MAPK12: variants seen among roughly 807,000 people sequenced by gnomAD.
MAPK12 encodes the protein MAP kinase 12.
In MAPK12, 49 loss-of-function variants were observed where a neutral mutation model predicts 49.1. That is an observed-to-expected ratio of 1.00 (90% CI 0.79 to 1.27). The LOEUF (loss-of-function observed/expected upper bound fraction) is 1.27, where lower values mean the gene tolerates loss of function less well. Among genes scored for constraint, MAPK12 ranks in the 50% most tolerant of loss-of-function variants. The pLI, the probability that MAPK12 is intolerant of heterozygous loss-of-function variation, is 0.00. For missense variants in MAPK12, 554 were observed against 502.4 expected, an observed-to-expected ratio of 1.10 and a Z score of -0.98; for synonymous variants, 251 against 209.7, an observed-to-expected ratio of 1.20 and a Z score of -1.70.
In MAPK12 at chr22:50,255,190, C is replaced by G. The variant is rs202210542; in HGVS notation, c.1024+7G>C. On this transcript the variant is annotated splice_region_variant and intron_variant, in intron 11 of 11. Coordinates refer to ENST00000215659, the MANE Select transcript of MAPK12 (RefSeq NM_002969.6). ...CACACAGGCCGTGCCAGGAGCCCCC[C>G]ACTCACGCTTCCATTCATCCAGTGT... 27 of 1,613,608 alleles carry G rather than the reference C, an allele frequency of 1.7e-5. No individual in the cohort carries two copies. The highest frequency in any genetic ancestry group is 3.3e-4 in the Middle Eastern group (2 of 6,062).
rs2065143901 is a variant in MAPK12 at position 50,255,794 on chromosome 22, T to C, written c.691+16A>G. 1.9e-6 allele frequency: 3 copies of C among 1,612,228 alleles called. No homozygotes were observed. The highest frequency in any genetic ancestry group is 1.7e-5 in the Admixed American group (1 of 60,000). ...TCCCCACCCGCCCCTGGTGCCGCCC[T>C]GCGGCTGGAGGATACGGTCGCTGCC... On this transcript the variant is annotated intron_variant, in intron 8 of 11. Coordinates refer to ENST00000215659, the MANE Select transcript of MAPK12 (RefSeq NM_002969.6).
intron 2 of MAPK12, 52 bp from the exon 3 acceptor site, chr22:50,258,353 A>AC (rs148912838): frequency 1.3e-6 from 2 of 1,511,338 alleles, no homozygotes; most frequent in African/African-American, 2.7e-5. Context: ...GGGCTGGGGC[A>AC]CCCCCCAAGA....
At chr22:50,255,169 C>A (rs2065135903) in intron 11 of MAPK12, 28 bp downstream of exon 11, 2 of 1,612,688 alleles carry the variant, frequency 1.2e-6, no homozygotes, top group Admixed American at 1.7e-5. Context: ...TGGGTCCACA[C>A]AGGCCGTGCC....
In MAPK12 at chr22:50,255,218, G is replaced by A. The variant is rs1054886574; in HGVS notation, c.1003C>T (p.Arg335Cys). ...KYDDSFDDVD[R>C]TLDEWKRVTY... ...TCACGCTTCCATTCATCCAGTGTGC[G>A]GTCAACGTCGTCAAAGGAGTCATCA... Residue 335 changes from arginine (R) to cysteine (C), a missense_variant, in exon 11 of 12, where the codon CGC becomes TGC. By Grantham distance (180) the Arg-to-Cys change is radical (BLOSUM62 -3). Coordinates refer to ENST00000215659, the MANE Select transcript of MAPK12 (RefSeq NM_002969.6). 31 of 1,613,794 alleles carry A rather than the reference G, an allele frequency of 1.9e-5. No homozygotes were observed. Among genetic ancestry groups the A allele is most frequent in the South Asian group, 4.4e-5 (4 of 91,084 alleles).
intron 2 of MAPK12, chr22:50,260,873 G>A (rs1240314893): frequency 1.1e-5 from 3 of 275,700 alleles, no homozygotes; most frequent in African/African-American, 2.2e-5. Context: ...GAGACCTGGA[G>A]GATCCCCTGG....
chr22:50,259,342 G>C (rs1221515098), intron 2 of MAPK12, among the ~76,000 whole-genome samples: 2 of 152,096 alleles, frequency 1.3e-5, no homozygotes, highest in Non-Finnish European at 2.9e-5. Context: ...CTGTGGGCTA[G>C]GGGCCACAGG....
intron 2 of MAPK12, 159 bp downstream of exon 2, chr22:50,261,008 C>G: frequency 1.2e-6 from 1 of 806,138 alleles, no homozygotes; most frequent in Non-Finnish European, 1.8e-6. Context: ...CAAGGAGAGA[C>G]AGGCCTTGCT....
At position 50,261,282 on chromosome 22, in the gene MAPK12, C is replaced by A; in HGVS notation, c.140G>T (p.Gly47Val). 1 of 1,498,756 alleles carries A rather than the reference C, an allele frequency of 6.7e-7. No homozygotes were observed. Among genetic ancestry groups the A allele is most frequent in the Non-Finnish European group, 8.9e-7 (1 of 1,121,018 alleles). The allele number at this position is 1,498,756 out of a possible 1,614,324, so 92.8% of individuals were successfully genotyped here. ...GATGGCCACCTTAGCGCCGGTGCGG[C>A]CGTCCACGGCCGAGCTGCGGGGCGG... ...AYGAVCSAVD[G>V]RTGAKVAIKK... is the part of the protein sequence containing the mutation. Residue 47 changes from glycine to valine, a missense_variant, in exon 2 of 12, where the codon GGC (glycine) becomes GTC (valine). By Grantham distance (109) the Gly-to-Val change is moderately radical. Transcript: ENST00000215659.
At chr22:50,254,973 C>T (rs2065132788) in intron 11 of MAPK12, 1 of 1,429,420 alleles carries the variant, frequency 7.0e-7, no homozygotes. Context: ...GCCCTGACCT[C>T]CCATCCTCCT....
In MAPK12 at chr22:50,257,074, G is replaced by A. The variant is rs199663823; in HGVS notation, c.426+8C>T. ...CTGCCTCCCTGCAGCCTCCCCCGGG[G>A]CCCGTACCCTCAGCCCCTTCAGCAT... is the stretch of plus-strand genomic sequence containing the variant. On this transcript the variant is annotated splice_region_variant and intron_variant, in intron 4 of 11. Coordinates refer to ENST00000215659, the MANE Select transcript of MAPK12 (RefSeq NM_002969.6). 1.4e-5 allele frequency: 22 copies of A among 1,611,300 alleles called. No individual in the cohort carries two copies. In the African/African-American group the frequency reaches 2.5e-4, roughly 19 times the overall value.
intron 2 of MAPK12, among the ~76,000 whole-genome samples, chr22:50,260,639 C>A (rs971886739): frequency 2.0e-5 from 3 of 152,190 alleles, no homozygotes; most frequent in African/African-American, 4.8e-5. Flanking sequence ...CCCTTCACCC[C>A]CAGGGGCTCC....
In MAPK12 at chr22:50,261,300, C is replaced by T. The variant is rs1234573407; in HGVS notation, c.126-4G>A. 4.2e-6 allele frequency: 6 copies of T among 1,432,936 alleles called. No individual in the cohort carries two copies. The highest frequency in any genetic ancestry group is 5.5e-6 in the Non-Finnish European group (6 of 1,082,176). The allele number at this position is 1,432,936 out of a possible 1,614,324, so 88.8% of individuals were successfully genotyped here. A position where few individuals can be genotyped will look rare whatever the true frequency, so the allele number is the denominator to read the frequency against. ...GGTGCGGCCGTCCACGGCCGAGCTGCGGGGCGGACCGCTTAGCGGGAAGGC... is the reference window on the plus strand; with the variant it reads ...GGTGCGGCCGTCCACGGCCGAGCTGTGGGGCGGACCGCTTAGCGGGAAGGC... On this transcript the variant is annotated splice_region_variant and splice_polypyrimidine_tract_variant and intron_variant, in intron 1 of 11. Transcript: ENST00000215659.
chr22:50,253,502 G>GGGGGGCT, intron 11 of MAPK12, 22 bp from the exon 12 acceptor site: 1 of 171,686 alleles, frequency 5.8e-6, no homozygotes, highest in Non-Finnish European at 1.1e-5. Context: ...GGGGGGGCGG[G>GGGGGGCT]CACAACAGAG....
chr22:50,261,541 C>T lies in MAPK12; in HGVS notation c.-32G>A, dbSNP rs1398620325. 42 of 1,082,958 alleles carry T rather than the reference C, an allele frequency of 3.9e-5. No individual in the cohort carries two copies. In the African/African-American group the frequency reaches 4.4e-4, roughly 11 times the overall value. 67.1% of individuals were successfully genotyped at this position (1,082,958 alleles called of 1,614,324 possible). On this transcript the variant is annotated 5_prime_UTR_variant, in exon 1 of 12. Coordinates refer to ENST00000215659, the MANE Select transcript of MAPK12 (RefSeq NM_002969.6). The stretch of plus-strand genomic sequence containing the variant: ...CCCGGGAGCTGCCCACCCCGCAGAG[C>T]CTGCGGGCGGTGCCCCCACGACCGG...
intron 5 of MAPK12, 22 bp downstream of exon 5, chr22:50,256,913 C>A: frequency 1.9e-6 from 3 of 1,602,650 alleles, no homozygotes; most frequent in Non-Finnish European, 2.6e-6. Flanking sequence ...GGCTGATGAG[C>A]GGCTTCTCCA....
At chr22:50,257,447 G>A (rs2065162105) in intron 3 of MAPK12, 2 of 563,018 alleles carry the variant, frequency 3.6e-6, no homozygotes, top group Non-Finnish European at 6.4e-6. Flanking sequence ...GTCAGGCAGG[G>A]AGGAGGCTGC....
chr22:50,261,472 C>T lies in MAPK12; in HGVS notation c.38G>A (p.Arg13His), dbSNP rs1465168100. The change falls in exon 1 of 12, where the codon CGC becomes CAC. Residue 13 changes from arginine to histidine, a missense_variant. By Grantham distance (29) the Arg-to-His change is conservative. Transcript: ENST00000215659. Reference sequence around the variant, plus strand: ...CCAGGCCGTCTTGGTCACCTCCTGGCGGTAAAAGCCACTGCGGGCGGGCGG... The same window carrying T: ...CCAGGCCGTCTTGGTCACCTCCTGGTGGTAAAAGCCACTGCGGGCGGGCGG... ...SPPPARSGFYRQEVTKTAWEV... is the reference protein window; with the variant it reads ...SPPPARSGFYHQEVTKTAWEV... The T allele has an allele frequency of 8.6e-6, 11 of 1,273,570 alleles. No homozygotes were observed. The highest frequency in any genetic ancestry group is 3.3e-5 in the South Asian group (2 of 61,150). 78.9% of individuals were successfully genotyped at this position (1,273,570 alleles called of 1,614,324 possible).
intron 9 of MAPK12, 38 bp downstream of exon 9, chr22:50,255,577 C>G: frequency 6.2e-7 from 1 of 1,605,818 alleles, no homozygotes; most frequent in Non-Finnish European, 8.5e-7. Context: ...GGCCCAGGTC[C>G]GCCCCCACCC....
At position 50,255,309 on chromosome 22, in the gene MAPK12, C is replaced by T; in HGVS notation, c.912G>A (p.Glu304=). ...LDAEQRVTAG[E]ALAHPYFESL... is the part of the protein sequence containing the mutation. ...ACTCGAAGTAGGGATGGGCCAGCGC[C>T]TCGCCTGCCGTCACCCGCTGCTCCG... The change falls in exon 11 of 12, where the codon GAG becomes GAA. Residue 304 remains glutamate (E), a synonymous_variant. Transcript: ENST00000215659. The T allele has an allele frequency of 6.2e-7, 1 of 1,613,486 alleles. No homozygotes were observed. The highest frequency in any genetic ancestry group is 8.5e-7 in the Non-Finnish European group (1 of 1,180,018).
Sources: gnomAD v4.1 joint callset for allele counts (sites outside exome capture counted in the v4.1 genomes callset) on GRCh38, gnomAD v4.1.1 for gene constraint, MANE v1.5 for transcripts, NCBI Gene and HGNC (gene_info 2026-07-23, HGNC 2026-07-21) for gene names.